The following PCNX2 variants were observed in gnomAD, a reference collection of about 807,000 sequenced individuals.
PCNX2 encodes the protein pecanex-like protein 2.
A neutral mutation model predicts 223.8 loss-of-function variants in PCNX2; 168 were observed. That is an observed-to-expected ratio of 0.75 (90% confidence interval 0.66 to 0.85). The LOEUF is 0.85. Ranked by LOEUF, PCNX2 falls within the 40% of genes least tolerant of loss-of-function variation. The pLI is 0.00. For synonymous variants in PCNX2, 1,006 were observed against 1,052.6 expected (o/e 0.96, Z 0.86); for missense variants, 2,507 against 2,675.5 (o/e 0.94, Z 1.39).
At chr1:233,167,408 G>C (rs1037501698) in intron 17 of PCNX2, among the ~76,000 whole-genome samples, 1 of 152,116 alleles carries the variant, frequency 6.6e-6, no homozygotes, top group Non-Finnish European at 1.5e-5. Context: ...CATGGGCATG[G>C]GGGAGGTAGA....
intron 23 of PCNX2, among the ~76,000 whole-genome samples, chr1:233,078,534 A>G (rs1673203011): frequency 6.6e-6 from 1 of 152,168 alleles, no homozygotes; most frequent in African/African-American, 2.4e-5. Context: ...TGCTATAGTG[A>G]TTTAGAACAG....
intron 8 of PCNX2, among the ~76,000 whole-genome samples, chr1:233,238,545 T>C (rs1242206989): frequency 6.6e-6 from 1 of 151,928 alleles, no homozygotes; most frequent in African/African-American, 2.4e-5. Context: ...GAAAAAAAAT[T>C]AGCTGGGCAT....
intron 1 of PCNX2, among the ~76,000 whole-genome samples, chr1:233,277,357 C>G (rs28497218): frequency 0.37 from 56,159 of 151,976 alleles, 10,764 homozygotes; most frequent in African/African-American, 0.47. Flanking sequence ...TATCAAAATA[C>G]CTACAATTAA....
At chr1:233,080,805 T>G (rs1673325342) in intron 23 of PCNX2, among the ~76,000 whole-genome samples, 1 of 152,164 alleles carries the variant, frequency 6.6e-6, no homozygotes, top group Non-Finnish European at 1.5e-5. Context: ...AAACATTCAG[T>G]CCACTGCAAT....
At chr1:233,083,107 G>T (rs1375376698) in intron 23 of PCNX2, among the ~76,000 whole-genome samples, 3 of 152,210 alleles carry the variant, frequency 2.0e-5, no homozygotes, top group African/African-American at 7.2e-5. Flanking sequence ...AGGCATGAAT[G>T]ATAGCAGGAC....
chr1:233,296,806 G>T (rs1662150607), upstream of PCNX2, among the ~76,000 whole-genome samples: 1 of 152,280 alleles, frequency 6.6e-6, no homozygotes, highest in East Asian at 1.9e-4. Context: ...CTTACTTATG[G>T]CTGCCCTAGT....
rs559191170 is a variant in PCNX2, at chr1:233,278,662, G to T, written c.154-15499C>A. ...ATCGCATGTCTCTTCCTCAGTGTCA[G>T]CTCTGATTCTGCAGTTCTTCATAGC... On this transcript the variant is annotated intron_variant, in intron 1 of 33. Transcript: ENST00000258229. Among the ~76,000 whole-genome samples the T allele has an allele frequency of 3.1e-4, 47 of 152,276 alleles. No individual in the cohort carries two copies. In the South Asian group the frequency reaches 9.5e-3, roughly 31 times the overall value.
At chr1:232,995,835 T>A (rs1008035598) in intron 32 of PCNX2, among the ~76,000 whole-genome samples, 1 of 152,122 alleles carries the variant, frequency 6.6e-6, no homozygotes, top group African/African-American at 2.4e-5. Context: ...CAGTTCCAGG[T>A]GCTGTTTTAT....
At chr1:233,012,039 G>A (rs1264398617) in intron 28 of PCNX2, among the ~76,000 whole-genome samples, 1 of 152,120 alleles carries the variant, frequency 6.6e-6, no homozygotes, top group Non-Finnish European at 1.5e-5. Context: ...AAGTGAACTG[G>A]AGGACAGTTC....
In PCNX2 at chr1:233,107,415, C is replaced by T. The variant is rs903411446; in HGVS notation, c.3838-11552G>A. 4.1e-5 allele frequency among the ~76,000 whole-genome samples: 6 copies of T among 148,118 alleles called. No homozygotes were observed. The South Asian group carries it at 6.4e-4, about 16-fold the overall frequency. On this transcript the variant is annotated intron_variant, in intron 21 of 33. Transcript: ENST00000258229. Reference sequence around the variant, plus strand: ...AAAAACAAACAAACAAACAAACAAACAAAAAGAGCCCTGCTAACATTATTT... The same window carrying T: ...AAAAACAAACAAACAAACAAACAAATAAAAAGAGCCCTGCTAACATTATTT...
chr1:232,986,021 G>T (rs1295080432), intron 33 of PCNX2, 71 bp downstream of exon 33: 1 of 1,499,310 alleles, frequency 6.7e-7, no homozygotes, highest in Non-Finnish European at 9.1e-7. Context: ...CGCAAGGCAG[G>T]TGCCACGCTC....
At chr1:233,132,128 T>G (rs1328953374) in intron 21 of PCNX2, among the ~76,000 whole-genome samples, 1 of 152,064 alleles carries the variant, frequency 6.6e-6, no homozygotes, top group Non-Finnish European at 1.5e-5. Flanking sequence ...TCAGTAGAGA[T>G]GAGGTTTCAC....
intron 21 of PCNX2, chr1:233,112,839 TCTTA>T: frequency 7.8e-7 from 1 of 1,278,560 alleles, no homozygotes; most frequent in Non-Finnish European, 1.0e-6. Flanking sequence ...AAAAGCTGAC[TCTTA>T]CTTTGAAGGC....
the PCNX2 span, among the ~76,000 whole-genome samples, chr1:233,324,598 A>AT: frequency 0.4 from 51,636 of 127,500 alleles, 11,500 homozygotes; most frequent in African/African-American, 0.53. Context: ...GTTTACTGAA[A>AT]TTTTTTTTTT....
intron 32 of PCNX2, among the ~76,000 whole-genome samples, chr1:232,987,560 G>A (rs772172854): frequency 9.2e-5 from 14 of 152,326 alleles, no homozygotes; most frequent in African/African-American, 2.9e-4. Context: ...ACAAGGGGGC[G>A]GAGGCATGAG....
intron 26 of PCNX2, among the ~76,000 whole-genome samples, chr1:233,022,291 T>C (rs1296584540): frequency 3.3e-5 from 5 of 152,154 alleles, no homozygotes; most frequent in Admixed American, 6.6e-5. Context: ...AAAAAACAAA[T>C]TGGGCCATGC....
chr1:233,291,608 CAAAAAAAAAAAA>C (rs779561549), intron 1 of PCNX2: 2 of 541,090 alleles, frequency 3.7e-6, no homozygotes, highest in Admixed American at 1.6e-4. Flanking sequence ...AACTCTGTCT[CAAAAAAAAAAAA>C]AAAAAAAAGA....
At chr1:233,196,552 A>G (rs948362452) in intron 15 of PCNX2, among the ~76,000 whole-genome samples, 1 of 152,174 alleles carries the variant, frequency 6.6e-6, no homozygotes, top group Non-Finnish European at 1.5e-5. Context: ...AATGGACAAA[A>G]GACAAGCAAA....
intron 19 of PCNX2, among the ~76,000 whole-genome samples, chr1:233,151,885 G>GCGC (rs1430684560): frequency 1.3e-5 from 2 of 152,198 alleles, no homozygotes; most frequent in African/African-American, 4.8e-5. Context: ...GTGAGCCACT[G>GCGC]CGCCCAGCCT....
Sources: gnomAD v4.1 joint callset for allele counts (sites outside exome capture counted in the v4.1 genomes callset) on GRCh38, gnomAD v4.1.1 for gene constraint, MANE v1.5 for transcripts, NCBI Gene and HGNC (gene_info 2026-07-23, HGNC 2026-07-21) for gene names.